OR56A3: variants seen among roughly 807,000 people sequenced by gnomAD.
The protein encoded by OR56A3 is olfactory receptor 56A3.
A neutral mutation model predicts 17.5 loss-of-function variants in OR56A3; 23 were observed. That is an observed-to-expected ratio of 1.32 (90% CI 0.95 to 1.87). The LOEUF is 1.87. Among genes scored for constraint, OR56A3 ranks in the 40% most tolerant of loss-of-function variants. The pLI, the probability that OR56A3 is intolerant of heterozygous loss-of-function variation, is 0.00. For missense variants in OR56A3, 366 were observed against 380.1 expected (o/e 0.96, Z 0.31); for synonymous variants, 175 against 150.6 (o/e 1.16, Z -1.19).
chr11:5,996,939 G>A, the OR56A3 span, among the ~76,000 whole-genome samples: 1 of 152,210 alleles, frequency 6.6e-6, no homozygotes, highest in Non-Finnish European at 1.5e-5. Context: ...CTGAGAGCAA[G>A]GCAGGATGAG....
chr11:6,006,365 G>C, the OR56A3 span: 4 of 152,118 alleles, frequency 2.6e-5, no homozygotes, highest in Non-Finnish European at 5.9e-5. Context: ...CATTGTTTTC[G>C]ATCTTCAGTA....
rs755632245 is a variant in OR56A3 at position 5,948,234 on chromosome 11, C to T, written c.888C>T (p.Tyr296=). 2.7e-5 allele frequency: 44 copies of T among 1,614,052 alleles called. No individual in the cohort carries two copies. The highest frequency in any genetic ancestry group is 3.3e-5 in the South Asian group (3 of 91,094). ...CTGCAGCCCTTAACCCCATCATTTA[C>T]GGGGTGAGAACCCAAGAAATTAAGC... ...VIPAALNPII[Y]GVRTQEIKQG... Residue 296 remains tyrosine, a synonymous_variant, in exon 3 of 3, where the codon TAC becomes TAT. Coordinates refer to ENST00000641160, the MANE Select transcript of OR56A3 (RefSeq NM_001003443.3).
the OR56A3 span, chr11:5,986,345 A>C: frequency 6.2e-7 from 1 of 1,613,998 alleles, no homozygotes; most frequent in Non-Finnish European, 8.5e-7. Flanking sequence ...TGTTCACAAT[A>C]GGCATGGCCT....
chr11:6,009,950 A>C, the OR56A3 span, among the ~76,000 whole-genome samples: 1 of 152,080 alleles, frequency 6.6e-6, no homozygotes, highest in Admixed American at 6.5e-5. Context: ...TTTCAGATTA[A>C]GCTCTTCAAC....
At chr11:6,001,242 G>A in the OR56A3 span, 1 of 152,256 alleles carries the variant, frequency 6.6e-6, no homozygotes, top group Admixed American at 6.5e-5. Flanking sequence ...TTGTGCCTAG[G>A]ATGGGGACTT....
At chr11:5,988,647 G>T in the OR56A3 span, among the ~76,000 whole-genome samples, 3 of 151,814 alleles carry the variant, frequency 2.0e-5, no homozygotes, top group African/African-American at 7.3e-5. Flanking sequence ...TAGACCACAG[G>T]CTTCTTTCTT....
the OR56A3 span, chr11:6,002,459 C>A: frequency 6.2e-7 from 1 of 1,614,192 alleles, no homozygotes. Flanking sequence ...AGATGCAGTT[C>A]TTGATTATGT....
the OR56A3 span, among the ~76,000 whole-genome samples, chr11:5,995,553 G>A: frequency 6.6e-6 from 1 of 152,078 alleles, no homozygotes; most frequent in South Asian, 2.1e-4. Flanking sequence ...AGTTTTCATT[G>A]TCTTTTTCAA....
At chr11:5,982,088 G>A in the OR56A3 span, among the ~76,000 whole-genome samples, 1 of 152,170 alleles carries the variant, frequency 6.6e-6, no homozygotes, top group Non-Finnish European at 1.5e-5. Context: ...GGAGGGTGCT[G>A]CCAAAAGTGC....
chr11:5,960,264 T>C, the OR56A3 span, among the ~76,000 whole-genome samples: 1 of 151,748 alleles, frequency 6.6e-6, no homozygotes, highest in South Asian at 2.1e-4. Flanking sequence ...CTCTCCCCTT[T>C]GCACGGTCCT....
At chr11:6,021,077 T>C in the OR56A3 span, 3 of 151,902 alleles carry the variant, frequency 2.0e-5, no homozygotes, top group African/African-American at 4.8e-5. Context: ...AAGAGTGGCA[T>C]GGAGAAAGGG....
chr11:5,968,565 A>T, the OR56A3 span: 2 of 1,109,640 alleles, frequency 1.8e-6, no homozygotes, highest in South Asian at 2.9e-5. Context: ...TAGAAATAGA[A>T]AACAAAGCTG....
At chr11:5,976,940 T>C in the OR56A3 span, among the ~76,000 whole-genome samples, 3 of 152,194 alleles carry the variant, frequency 2.0e-5, no homozygotes, top group Non-Finnish European at 4.4e-5. Flanking sequence ...TCAATATTCA[T>C]TCCTGCTTGT....
the OR56A3 span, among the ~76,000 whole-genome samples, chr11:5,975,193 C>T: frequency 6.6e-6 from 1 of 152,210 alleles, no homozygotes; most frequent in Non-Finnish European, 1.5e-5. Context: ...ATCAGACAGC[C>T]TCTTAAGGCC....
At chr11:5,975,667 T>C in the OR56A3 span, among the ~76,000 whole-genome samples, 3 of 152,104 alleles carry the variant, frequency 2.0e-5, no homozygotes, top group Non-Finnish European at 4.4e-5. Context: ...GCAATAAACA[T>C]ACGTGTGCAT....
chr11:5,979,235 T>A, the OR56A3 span, among the ~76,000 whole-genome samples: 1 of 152,020 alleles, frequency 6.6e-6, no homozygotes, highest in Non-Finnish European at 1.5e-5. Flanking sequence ...GCTGGCCTCA[T>A]AGAACAAGTT....
chr11:6,004,334 C>A, the OR56A3 span, among the ~76,000 whole-genome samples: 2 of 151,782 alleles, frequency 1.3e-5, no homozygotes, highest in African/African-American at 2.4e-5. Flanking sequence ...GGCCTGGCAA[C>A]AAAATGAGAC....
chr11:5,958,172 T>G, the OR56A3 span, among the ~76,000 whole-genome samples: 2 of 152,194 alleles, frequency 1.3e-5, no homozygotes, highest in African/African-American at 4.8e-5. Flanking sequence ...TAATCTTTTA[T>G]TTTGAAGAAC....
chr11:5,981,561 T>A, the OR56A3 span, among the ~76,000 whole-genome samples: 1 of 152,174 alleles, frequency 6.6e-6, no homozygotes, highest in African/African-American at 2.4e-5. Context: ...AGCTCTTCTA[T>A]CATTTTACTG....
Sources: allele counts gnomAD v4.1 joint callset (sites outside exome capture counted in the v4.1 genomes callset), GRCh38; gene constraint gnomAD v4.1.1; transcripts MANE v1.5; gene names NCBI Gene and HGNC (gene_info 2026-07-23, HGNC 2026-07-21).